The following ENG variants were observed in gnomAD, a reference collection of about 807,000 sequenced individuals.
The protein encoded by ENG is endoglin, also known as CD105 antigen.
A neutral mutation model predicts 71.0 loss-of-function variants in ENG; 17 were observed. The observed-to-expected ratio is 0.24, with a 90% CI of 0.16 to 0.36. The LOEUF is 0.36. Ranked by LOEUF, ENG falls within the 10% of genes least tolerant of loss-of-function variation. The probability of loss-of-function intolerance (pLI) is 1.00; values close to 1 mark genes in which losing one functional copy is unlikely to be tolerated. For missense variants in ENG, 749 were observed against 868.3 expected (o/e 0.86, Z 1.73); for synonymous variants, 360 against 366.9 (o/e 0.98, Z 0.21).
At chr9:127,817,683 C>T in intron 12 of ENG, 1 of 350,250 alleles carries the variant, frequency 2.9e-6, no homozygotes, top group South Asian at 2.6e-5. Flanking sequence ...TGGGGGTCAC[C>T]AGATGGTGAA....
At chr9:127,825,634 G>A in intron 5 of ENG, 61 bp downstream of exon 5, 1 of 1,378,426 alleles carries the variant, frequency 7.3e-7, no homozygotes, top group South Asian at 1.4e-5. Context: ...GGGGCGGGGG[G>A]GGTCAGGGGG....
intron 12 of ENG, 107 bp from the exon 13 acceptor site, chr9:127,817,310 C>T: frequency 2.7e-6 from 3 of 1,129,902 alleles, no homozygotes; most frequent in Middle Eastern, 1.9e-4. Flanking sequence ...GCTTTGAATC[C>T]CATCTCCACC....
At chr9:127,839,574 GA>G (rs1278651598) in intron 2 of ENG, among the ~76,000 whole-genome samples, 1 of 152,100 alleles carries the variant, frequency 6.6e-6, no homozygotes, top group African/African-American at 2.4e-5. Context: ...TTTTGTTTTT[GA>G]GACAGGGTCT....
In ENG at chr9:127,825,320, C is replaced by T. The variant is rs761827492; in HGVS notation, c.727G>A (p.Ala243Thr). 28 of 1,610,492 alleles carry T rather than the reference C, an allele frequency of 1.7e-5. No homozygotes were observed. Among genetic ancestry groups the T allele is most frequent in the African/African-American group, 1.1e-4 (8 of 73,900 alleles). Residue 243 changes from alanine to threonine, a missense_variant, in exon 6 of 15, where the codon GCA (alanine) becomes ACA (threonine). Transcript: ENST00000373203. ...TVTVKVELSC[A>T]PGDLDAVLIL... ...AGGACGGCATCGAGATCCCCGGGTG[C>T]GCAGCTCAGTTCCACCTTCACCGTC... is the stretch of plus-strand genomic sequence containing the variant.
At chr9:127,834,642 A>C (rs1830853186) in intron 2 of ENG, among the ~76,000 whole-genome samples, 1 of 151,698 alleles carries the variant, frequency 6.6e-6, no homozygotes, top group Non-Finnish European at 1.5e-5. Context: ...TGACCTCATG[A>C]TCCCTACGCC....
intron 5 of ENG, 58 bp downstream of exon 5, chr9:127,825,637 T>A (rs997604160): frequency 2.1e-6 from 2 of 954,410 alleles, no homozygotes; most frequent in African/African-American, 3.4e-5. Flanking sequence ...GCGGGGGGGG[T>A]CAGGGGGGTG....
chr9:127,847,948 G>T (rs1302841812), intron 1 of ENG, among the ~76,000 whole-genome samples: 1 of 152,200 alleles, frequency 6.6e-6, no homozygotes, highest in Non-Finnish European at 1.5e-5. Flanking sequence ...CTACAGTAGA[G>T]GTGAAAAGCA....
intron 14 of ENG, 27 bp downstream of exon 14, chr9:127,815,916 C>A: frequency 6.3e-7 from 1 of 1,584,728 alleles, no homozygotes; most frequent in Admixed American, 1.8e-5. Context: ...GCCCGGCATG[C>A]TCACTGTGGG....
rs1830375059 is a variant in ENG, at chr9:127,818,126, T to C, written c.1680A>G (p.Gln560=). 7 of 1,614,152 alleles carry C rather than the reference T, an allele frequency of 4.3e-6. No individual in the cohort carries two copies. Among genetic ancestry groups the C allele is most frequent in the Non-Finnish European group, 5.1e-6 (6 of 1,180,022 alleles). ...TVALRPKTGS[Q]DQEVHRTVFM... is the part of the protein sequence containing the mutation. The stretch of plus-strand genomic sequence containing the variant: ...CGGCCCAGGCCCCACTCACCTGGTC[T>C]TGAGACCCGGTCTTGGGACGCAGGG... The change falls in exon 12 of 15, where the codon CAA becomes CAG. Residue 560 remains glutamine, a synonymous_variant. Transcript: ENST00000373203.
intron 10 of ENG, chr9:127,819,415 A>G: frequency 1.6e-6 from 1 of 634,454 alleles, no homozygotes; most frequent in Non-Finnish European, 2.7e-6. Flanking sequence ...CACAGCCAGT[A>G]TGTGCTAAGC....
chr9:127,831,776 C>G (rs1830772946), intron 2 of ENG, among the ~76,000 whole-genome samples: 1 of 150,738 alleles, frequency 6.6e-6, no homozygotes, highest in Admixed American at 6.6e-5. Context: ...ACTACAACCT[C>G]TGCCTCCTGG....
At position 127,828,881 on chromosome 9, in the gene ENG, G is replaced by A. The variant is rs1488083124; in HGVS notation, c.360+806C>T. Among the ~76,000 whole-genome samples, 5 of 151,870 alleles carry A rather than the reference G, an allele frequency of 3.3e-5. No homozygotes were observed. In the East Asian group the frequency reaches 9.7e-4, roughly 29 times the overall value. On this transcript the variant is annotated intron_variant, in intron 3 of 14. Transcript: ENST00000373203. Reference sequence around the variant, plus strand: ...CCCTTTGCTATCTTTGCTCTCCCCCGGGCTCTCCCCTTCCTACCCTCTGCT... The same window carrying A: ...CCCTTTGCTATCTTTGCTCTCCCCCAGGCTCTCCCCTTCCTACCCTCTGCT...
intron 5 of ENG, 62 bp from the exon 6 acceptor site, chr9:127,825,419 TG>T (rs1830586992): frequency 1.3e-6 from 2 of 1,598,862 alleles, no homozygotes; most frequent in Non-Finnish European, 1.7e-6. Context: ...GAGCGAGGCC[TG>T]GCGTCGGGTG....
At chr9:127,819,748 A>G in intron 9 of ENG, 88 bp from the exon 10 acceptor site, 1 of 1,587,798 alleles carries the variant, frequency 6.3e-7, no homozygotes, top group Non-Finnish European at 8.6e-7. Flanking sequence ...GCAGATGGGG[A>G]GACTAAGCCA....
intron 1 of ENG, among the ~76,000 whole-genome samples, chr9:127,853,568 G>A (rs1159262197): frequency 6.6e-6 from 1 of 152,208 alleles, no homozygotes; most frequent in Non-Finnish European, 1.5e-5. Context: ...AACCTGGCCT[G>A]CACCCACTCC....
intron 1 of ENG, among the ~76,000 whole-genome samples, chr9:127,845,400 G>A (rs575455100): frequency 6.0e-4 from 91 of 152,384 alleles, no homozygotes; most frequent in African/African-American, 2.0e-3. Flanking sequence ...AGATCTGGAT[G>A]AGGACTTCTG....
intron 13 of ENG, chr9:127,816,316 C>T (rs1301397715): frequency 1.6e-5 from 9 of 554,662 alleles, no homozygotes; most frequent in East Asian, 6.2e-5. Flanking sequence ...ATGGAGATGG[C>T]GTTTTCAGGG....
At chr9:127,847,318 A>G (rs140621577) in intron 1 of ENG, among the ~76,000 whole-genome samples, 1 of 152,340 alleles carries the variant, frequency 6.6e-6, no homozygotes, top group African/African-American at 2.4e-5. Context: ...TCCAGCAAGC[A>G]GCAGGCATTC....
chr9:127,839,245 C>T (rs1371919069), intron 2 of ENG, among the ~76,000 whole-genome samples: 3 of 152,200 alleles, frequency 2.0e-5, no homozygotes, highest in Non-Finnish European at 4.4e-5. Flanking sequence ...ACCTCTGCCT[C>T]CCTGGCTCTA....
Sources: allele counts gnomAD v4.1 joint callset (sites outside exome capture counted in the v4.1 genomes callset), GRCh38; gene constraint gnomAD v4.1.1; transcripts MANE v1.5; gene names NCBI Gene and HGNC (gene_info 2026-07-23, HGNC 2026-07-21).